The following TCF7 variants were observed in gnomAD, a reference collection of about 807,000 sequenced individuals.
TCF7 encodes transcription factor 7.
TCF7 carries 19 observed loss-of-function variants against 46.8 expected under a neutral mutation model. That is an observed-to-expected ratio of 0.41 (90% CI 0.28 to 0.60). The LOEUF (loss-of-function observed/expected upper bound fraction) is 0.60, where lower values mean the gene tolerates loss of function less well. TCF7 is among the 20% of genes least tolerant of loss of function. TCF7 has a pLI of 0.35. For missense variants in TCF7, 547 were observed against 504.6 expected (o/e 1.08, Z -0.81); for synonymous variants, 245 against 213.4 (o/e 1.15, Z -1.29).
At chr5:134,143,520 C>G (rs368195469) in intron 8 of TCF7, 72 bp from the exon 9 acceptor site, 1 of 1,592,012 alleles carries the variant, frequency 6.3e-7, no homozygotes, top group African/African-American at 1.3e-5. Flanking sequence ...GTTACCCAAG[C>G]TAGGCAGCAG....
At position 134,117,801 on chromosome 5, in the gene TCF7, T is replaced by C. The variant is rs1756028345; in HGVS notation, c.441+1768T>C. The stretch of plus-strand genomic sequence containing the variant: ...CATTTCTATGTATCGCACCTGCTCC[T>C]ATAGGTACAAATCCCCTTGCCCTCC... On this transcript the variant is annotated intron_variant, in intron 3 of 9. Coordinates refer to ENST00000342854, the MANE Select transcript of TCF7 (RefSeq NM_003202.5). 2.0e-5 allele frequency among the ~76,000 whole-genome samples: 3 copies of C among 152,224 alleles called. No individual in the cohort carries two copies. In the South Asian group the frequency reaches 6.2e-4, roughly 32 times the overall value.
At chr5:134,133,041 T>G (rs1758368105) in intron 3 of TCF7, among the ~76,000 whole-genome samples, 1 of 152,134 alleles carries the variant, frequency 6.6e-6, no homozygotes, top group African/African-American at 2.4e-5. Context: ...GAAGGACCAC[T>G]TTTGCTGGGA....
chr5:134,115,182 C>A, intron 1 of TCF7, 27 bp downstream of exon 1: 1 of 1,066,102 alleles, frequency 9.4e-7, no homozygotes, highest in Non-Finnish European at 1.1e-6. Context: ...GCCGGCTCCT[C>A]CCCCGCGGTC....
In TCF7 at chr5:134,114,742, G is replaced by A. The variant is rs1755559461; in HGVS notation, c.-165G>A. 1.6e-6 allele frequency: 1 copy of A among 643,106 alleles called. No homozygotes were observed. Among genetic ancestry groups the A allele is most frequent in the African/African-American group, 2.0e-5 (1 of 49,768 alleles). The allele number at this position is 643,106 out of a possible 1,614,324, so 39.8% of individuals were successfully genotyped here. On this transcript the variant is annotated 5_prime_UTR_variant, in exon 1 of 10. Transcript: ENST00000342854. ...AGCTCGCGGAGCCGCTCTGCCCCGC[G>A]CCCTAGCCCGCGCCTGCAGCCCGCC...
chr5:134,118,008 G>A (rs1756062906), intron 3 of TCF7, among the ~76,000 whole-genome samples: 1 of 152,180 alleles, frequency 6.6e-6, no homozygotes, highest in Non-Finnish European at 1.5e-5. Context: ...GTGAATGTAG[G>A]AGAACCTCTT....
chr5:134,117,114 C>G (rs2149271028), intron 3 of TCF7, among the ~76,000 whole-genome samples: 1 of 152,390 alleles, frequency 6.6e-6, no homozygotes, highest in East Asian at 1.9e-4. Context: ...GCTGGAAAGC[C>G]TATTCTATGG....
chr5:134,109,141 T>C, the TCF7 span, among the ~76,000 whole-genome samples: 1 of 152,100 alleles, frequency 6.6e-6, no homozygotes, highest in African/African-American at 2.4e-5. Flanking sequence ...CGATCCATCC[T>C]TCCATTCAGC....
At chr5:134,144,506 G>A in intron 9 of TCF7, 1 of 415,192 alleles carries the variant, frequency 2.4e-6, no homozygotes, top group Non-Finnish European at 4.4e-6. Flanking sequence ...ATGCTGCAAG[G>A]GCCCCACAAG....
At chr5:134,143,692 A>G (rs1357541901) in intron 9 of TCF7, 52 bp downstream of exon 9, 3 of 1,608,034 alleles carry the variant, frequency 1.9e-6, no homozygotes, top group Middle Eastern at 1.7e-4. Flanking sequence ...TCCCCATTTC[A>G]AGAGCAGCCC....
rs1760573119 is a variant in TCF7, at chr5:134,145,568, G to C, written c.1076-656G>C. 8.8e-6 allele frequency: 6 copies of C among 678,002 alleles called. No individual in the cohort carries two copies. In the East Asian group the frequency reaches 1.4e-4, roughly 15 times the overall value. 42.0% of individuals were successfully genotyped at this position (678,002 alleles called of 1,614,324 possible). ...CAGGGCTAAGATAGAGGGTACTCCAGGCAGTAAGGCCACTGGCTCTAAGGA... is the reference window on the plus strand; with the variant it reads ...CAGGGCTAAGATAGAGGGTACTCCACGCAGTAAGGCCACTGGCTCTAAGGA... On this transcript the variant is annotated intron_variant, in intron 9 of 9. Transcript: ENST00000342854.
intron 3 of TCF7, among the ~76,000 whole-genome samples, chr5:134,136,061 C>T (rs185004998): frequency 1.3e-4 from 20 of 151,752 alleles, no homozygotes; most frequent in Admixed American, 1.1e-3. Context: ...GACTGTCTGG[C>T]TGGGTTGAAG....
chr5:134,114,347 T>C (rs961454026), upstream of TCF7, among the ~76,000 whole-genome samples: 3 of 152,052 alleles, frequency 2.0e-5, no homozygotes, highest in African/African-American at 7.2e-5. Flanking sequence ...ACACCACGGC[T>C]GCGATGGTAA....
In TCF7 at chr5:134,137,898, G is replaced by A. The variant is rs377169330; in HGVS notation, c.442-161G>A. The stretch of plus-strand genomic sequence containing the variant: ...GGCAAAGTCTTGGGGGCTAGTGGGC[G>A]GGGTACTGGACACTGTGACTTGAGT... On this transcript the variant is annotated intron_variant, in intron 3 of 9. Coordinates refer to ENST00000342854, the MANE Select transcript of TCF7 (RefSeq NM_003202.5). The A allele has an allele frequency of 6.6e-5, 33 of 502,324 alleles. 1 individual carries two copies. The highest frequency in any genetic ancestry group is 4.8e-4 in the East Asian group (14 of 29,080). The allele number at this position is 502,324 out of a possible 1,614,324, so 31.1% of individuals were successfully genotyped here. A position where few individuals can be genotyped will look rare whatever the true frequency, so the allele number is the denominator to read the frequency against.
intron 3 of TCF7, among the ~76,000 whole-genome samples, chr5:134,120,635 C>T (rs1041981683): frequency 1.3e-5 from 2 of 152,232 alleles, no homozygotes; most frequent in East Asian, 1.9e-4. Context: ...GCCACCTTCT[C>T]GTTCCTCACT....
intron 3 of TCF7, among the ~76,000 whole-genome samples, chr5:134,136,638 G>T (rs1470513377): frequency 6.6e-6 from 1 of 152,140 alleles, no homozygotes; most frequent in African/African-American, 2.4e-5. Context: ...GGCTTGCCCT[G>T]GGCTTCCAAT....
chr5:134,138,113 T>C lies in TCF7; in HGVS notation c.496T>C (p.Phe166Leu). 1 of 1,612,490 alleles carries C rather than the reference T, an allele frequency of 6.2e-7. No homozygotes were observed. The highest frequency in any genetic ancestry group is 1.3e-5 in the African/African-American group (1 of 74,758). The stretch of plus-strand genomic sequence containing the variant: ...CCCCCAACTCTCTCTCTACGAACAT[T>C]TCAACAGCCCACATCCCACCCCTGC... ...GVPQLSLYEH[F>L]NSPHPTPAPA... The change falls in exon 4 of 10, where the codon TTC (phenylalanine) becomes CTC (leucine). Residue 166 changes from phenylalanine (F) to leucine (L), a missense_variant. Transcript: ENST00000342854.
chr5:134,115,112 C>A lies in TCF7; in HGVS notation c.206C>A (p.Pro69Gln). 2 of 1,023,242 alleles carry A rather than the reference C, an allele frequency of 2.0e-6. No homozygotes were observed. The highest frequency in any genetic ancestry group is 8.3e-5 in the South Asian group (2 of 24,148). The allele number at this position is 1,023,242 out of a possible 1,614,324, so 63.4% of individuals were successfully genotyped here. ...SEGAAGGAGI[P>Q]GVPGAGAGAR... ...GGCGCGGCCGGCGGCGCAGGGATCC[C>A]GGGGGTCCCGGGGGCCGGCGCCGGG... The change falls in exon 1 of 10, where the codon CCG becomes CAG. Residue 69 changes from proline to glutamine, a missense_variant. Physicochemically the swap from Pro to Gln is moderately conservative, Grantham distance 76 (BLOSUM62 -1). Coordinates refer to ENST00000342854, the MANE Select transcript of TCF7 (RefSeq NM_003202.5).
intron 3 of TCF7, among the ~76,000 whole-genome samples, chr5:134,127,147 A>G (rs1757458347): frequency 6.6e-6 from 1 of 152,128 alleles, no homozygotes; most frequent in Admixed American, 6.5e-5. Flanking sequence ...GCACACTGTC[A>G]GGTTCATAAG....
rs1760854163 is a variant in TCF7, at chr5:134,147,588, CCTA to C, written c.*1287_*1289del. On this transcript the variant is annotated 3_prime_UTR_variant, in exon 10 of 10. Coordinates refer to ENST00000342854, the MANE Select transcript of TCF7 (RefSeq NM_003202.5). ...AGTGGACAACAGGTTTTCACCATAGCCTACGTTAACCCATTTTTGAGCCAAGCT... is the reference window on the plus strand; with the variant it reads ...AGTGGACAACAGGTTTTCACCATAGCCGTTAACCCATTTTTGAGCCAAGCT... 6.6e-6 allele frequency: 1 copy of C among 152,638 alleles called. No individual in the cohort carries two copies. The highest frequency in any genetic ancestry group is 2.1e-4 in the South Asian group (1 of 4,836). 9.5% of individuals were successfully genotyped at this position (152,638 alleles called of 1,614,324 possible). A position where few individuals can be genotyped will look rare whatever the true frequency, so the allele number is the denominator to read the frequency against.
Sources: allele counts gnomAD v4.1 joint callset (sites outside exome capture counted in the v4.1 genomes callset), GRCh38; gene constraint gnomAD v4.1.1; transcripts MANE v1.5; gene names NCBI Gene and HGNC (gene_info 2026-07-23, HGNC 2026-07-21).